The following LYZL1 variants were observed in gnomAD, a reference collection of about 807,000 sequenced individuals.
LYZL1 encodes lysozyme-like protein 1.
A neutral mutation model predicts 17.9 loss-of-function variants in LYZL1; 16 were observed. That is an observed-to-expected ratio of 0.90 (90% confidence interval 0.61 to 1.36). The LOEUF (loss-of-function observed/expected upper bound fraction) is 1.36. Ranked by LOEUF, LYZL1 falls within the 40% of genes most tolerant of loss-of-function variation. The pLI is 0.00. For missense variants in LYZL1, 149 were observed against 188.4 expected (o/e 0.79, Z 1.22); for synonymous variants, 58 against 71.8 (o/e 0.81, Z 0.97).
intron 1 of LYZL1, among the ~76,000 whole-genome samples, chr10:29,290,996 C>T (rs1415215562): frequency 9.9e-5 from 15 of 152,270 alleles, no homozygotes; most frequent in South Asian, 8.3e-4. Flanking sequence ...TACAGGCCCA[C>T]GTGTCTTTCA....
At chr10:29,298,188 G>A (rs1038560423) in intron 3 of LYZL1, among the ~76,000 whole-genome samples, 1 of 152,064 alleles carries the variant, frequency 6.6e-6, no homozygotes, top group Admixed American at 6.6e-5. Flanking sequence ...GTGAAGTAAG[G>A]GATTAGGAAT....
At chr10:29,310,676 T>C (rs1835659048) in intron 4 of LYZL1, among the ~76,000 whole-genome samples, 1 of 152,226 alleles carries the variant, frequency 6.6e-6, no homozygotes, top group African/African-American at 2.4e-5. Context: ...CATTCGCTGC[T>C]GCTGTGTTCT....
At chr10:29,291,388 G>A in intron 1 of LYZL1, among the ~76,000 whole-genome samples, 1 of 151,886 alleles carries the variant, frequency 6.6e-6, no homozygotes, top group East Asian at 1.9e-4. Context: ...AGGAAGAGGA[G>A]GGGTTGGTCT....
At chr10:29,301,739 C>T (rs1309757781) in intron 3 of LYZL1, among the ~76,000 whole-genome samples, 1 of 152,104 alleles carries the variant, frequency 6.6e-6, no homozygotes, top group African/African-American at 2.4e-5. Flanking sequence ...ACATTTCAGT[C>T]ATTCTTTCTT....
chr10:29,299,281 G>A (rs1835486162), intron 3 of LYZL1, among the ~76,000 whole-genome samples: 2 of 152,248 alleles, frequency 1.3e-5, no homozygotes, highest in Admixed American at 6.5e-5. Flanking sequence ...ACAATGGACT[G>A]GTATCCGTCT....
chr10:29,311,190 T>A lies in LYZL1; in HGVS notation c.*131T>A, dbSNP rs1835667504. ...AACTTGGAGAGGGAAAATTAAGCTA[T>A]ACTTTTAAGAAAATAAATATTTCCA... On this transcript the variant is annotated 3_prime_UTR_variant, in exon 5 of 5. Transcript: ENST00000649382. 1 of 1,592,974 alleles carries A rather than the reference T, an allele frequency of 6.3e-7. No individual in the cohort carries two copies. Among genetic ancestry groups the A allele is most frequent in the African/African-American group, 1.4e-5 (1 of 73,398 alleles).
intron 3 of LYZL1, among the ~76,000 whole-genome samples, 191 bp downstream of exon 3, chr10:29,292,868 A>G (rs1255230921): frequency 6.6e-6 from 1 of 152,216 alleles, no homozygotes; most frequent in Non-Finnish European, 1.5e-5. Context: ...TTCTCCAAAG[A>G]TGACTTATTC....
intron 3 of LYZL1, among the ~76,000 whole-genome samples, chr10:29,293,130 T>TTC (rs1408082738): frequency 0.019 from 2,349 of 120,822 alleles, 82 homozygotes; most frequent in South Asian, 0.056. Context: ...TTCTTTTCTT[T>TTC]TTTCTTTTTT....
At chr10:29,301,698 C>A (rs1021525070) in intron 3 of LYZL1, among the ~76,000 whole-genome samples, 5 of 151,998 alleles carry the variant, frequency 3.3e-5, no homozygotes, top group Admixed American at 3.3e-4. Flanking sequence ...ATTTTGTACC[C>A]CTGAGTTTAT....
chr10:29,299,445 A>G (rs1461034923), intron 3 of LYZL1, among the ~76,000 whole-genome samples: 1 of 152,236 alleles, frequency 6.6e-6, no homozygotes, highest in Non-Finnish European at 1.5e-5. Context: ...ATGTTCTATA[A>G]GTGACTGTTA....
rs1835384640 is a variant in LYZL1, at chr10:29,292,556, C to T, written c.177C>T (p.Thr59=). 6.2e-7 allele frequency: 1 copy of T among 1,614,246 alleles called. No individual in the cohort carries two copies. The highest frequency in any genetic ancestry group is 8.5e-7 in the Non-Finnish European group (1 of 1,180,044). Residue 59 remains threonine, a synonymous_variant, in exon 3 of 5, where the codon ACC becomes ACT. Transcript: ENST00000649382. The part of the protein sequence containing the change: ...CMAYYESGYN[T]TAQTVLDDGS... ...CATATTATGAGAGCGGCTACAACAC[C>T]ACAGCCCAGACGGTCCTGGATGACG...
At chr10:29,313,773 C>T (rs921487730), downstream of LYZL1, among the ~76,000 whole-genome samples, 3 of 152,234 alleles carry the variant, frequency 2.0e-5, no homozygotes, top group Non-Finnish European at 4.4e-5. Flanking sequence ...AAAACCCACA[C>T]TCATATTCCC....
intron 3 of LYZL1, among the ~76,000 whole-genome samples, chr10:29,306,043 A>T (rs950203897): frequency 7.9e-5 from 12 of 152,252 alleles, no homozygotes; most frequent in African/African-American, 2.7e-4. Flanking sequence ...AATTTTAGAA[A>T]ATACGCAGCA....
chr10:29,291,435 C>T (rs1275347896), intron 1 of LYZL1, among the ~76,000 whole-genome samples: 3 of 151,342 alleles, frequency 2.0e-5, no homozygotes, highest in East Asian at 1.9e-4. Flanking sequence ...AGAAAATTCA[C>T]GGATAAATGG....
At chr10:29,312,711 C>T (rs1488324308), downstream of LYZL1, among the ~76,000 whole-genome samples, 3 of 152,182 alleles carry the variant, frequency 2.0e-5, no homozygotes, top group Non-Finnish European at 2.9e-5. Flanking sequence ...ACAGGGATGG[C>T]ACCCCCTCCT....
At chr10:29,289,611 G>A (rs546466892) in intron 1 of LYZL1, among the ~76,000 whole-genome samples, 27 of 151,296 alleles carry the variant, frequency 1.8e-4, no homozygotes, top group Non-Finnish European at 3.1e-4. Context: ...TAGAGGCAGG[G>A]TCTACCTTTG....
chr10:29,292,939 C>T (rs1393936452), intron 3 of LYZL1, among the ~76,000 whole-genome samples: 1 of 152,100 alleles, frequency 6.6e-6, no homozygotes, highest in African/African-American at 2.4e-5. Context: ...AACCCTACTG[C>T]CCTTTCATGT....
intron 3 of LYZL1, among the ~76,000 whole-genome samples, chr10:29,299,051 C>G (rs1835482692): frequency 6.6e-6 from 1 of 152,178 alleles, no homozygotes; most frequent in Non-Finnish European, 1.5e-5. Context: ...GATCATCAGG[C>G]ATTAGGTTCT....
At chr10:29,312,780 A>G (rs150965726), downstream of LYZL1, among the ~76,000 whole-genome samples, 20 of 152,160 alleles carry the variant, frequency 1.3e-4, no homozygotes, top group African/African-American at 4.8e-4. Flanking sequence ...CCCATTATCA[A>G]TCCACATGCC....
Sources: allele counts gnomAD v4.1 joint callset (sites outside exome capture counted in the v4.1 genomes callset), GRCh38; gene constraint gnomAD v4.1.1; transcripts MANE v1.5; gene names NCBI Gene and HGNC (gene_info 2026-07-23, HGNC 2026-07-21).